LYZL2: variants seen among roughly 807,000 people sequenced by gnomAD.
LYZL2 encodes lysozyme-like protein 2.
A neutral mutation model predicts 17.1 loss-of-function variants in LYZL2; 13 were observed. That is an observed-to-expected ratio of 0.76 (90% CI 0.49 to 1.21). The LOEUF (loss-of-function observed/expected upper bound fraction) is 1.21, where lower values mean the gene tolerates loss of function less well. LYZL2 is among the 50% of genes most tolerant of loss of function. LYZL2 has a pLI of 0.00. For missense variants in LYZL2, 166 were observed against 189.2 expected, an observed-to-expected ratio of 0.88 and a Z score of 0.72; for synonymous variants, 63 against 74.4, an observed-to-expected ratio of 0.85 and a Z score of 0.79.
downstream of LYZL2, among the ~76,000 whole-genome samples, chr10:30,608,534 G>A (rs447864): frequency 0.63 from 96,449 of 152,038 alleles, 31,193 homozygotes; most frequent in Middle Eastern, 0.77. Context: ...CTTCCTGTTC[G>A]TAAAGGAACT....
intron 1 of LYZL2, 63 bp downstream of exon 1, chr10:30,629,530 C>T: frequency 6.4e-7 from 1 of 1,565,732 alleles, no homozygotes; most frequent in African/African-American, 1.4e-5. Flanking sequence ...CTACATCCTT[C>T]AAGAACCTGC....
intron 3 of LYZL2, among the ~76,000 whole-genome samples, chr10:30,620,010 G>A (rs2132944058): frequency 6.6e-6 from 1 of 152,088 alleles, no homozygotes; most frequent in Non-Finnish European, 1.5e-5. Context: ...ACATATTTTT[G>A]TGTTTGTATT....
intron 3 of LYZL2, among the ~76,000 whole-genome samples, chr10:30,625,297 G>A (rs950069537): frequency 5.3e-5 from 8 of 152,112 alleles, no homozygotes; most frequent in South Asian, 2.1e-4. Context: ...TTAATGACTC[G>A]GTATGTTGGA....
downstream of LYZL2, among the ~76,000 whole-genome samples, chr10:30,607,113 T>C (rs1838385529): frequency 6.6e-6 from 1 of 151,800 alleles, no homozygotes; most frequent in African/African-American, 2.4e-5. Flanking sequence ...GGTTTCACCA[T>C]ATTGGCCAGG....
At chr10:30,629,119 A>T (rs1415022531) in intron 1 of LYZL2, among the ~76,000 whole-genome samples, 1 of 152,226 alleles carries the variant, frequency 6.6e-6, no homozygotes, top group Non-Finnish European at 1.5e-5. Context: ...TAGGCTGGGC[A>T]TGGTGGCCCA....
chr10:30,613,668 T>C (rs1838483515), intron 3 of LYZL2, among the ~76,000 whole-genome samples: 1 of 152,066 alleles, frequency 6.6e-6, no homozygotes, highest in Admixed American at 6.6e-5. Flanking sequence ...GTGCAGAAAG[T>C]TTTACCTTTT....
At chr10:30,613,499 G>GAGA (rs768642740) in intron 3 of LYZL2, among the ~76,000 whole-genome samples, 1 of 125,724 alleles carries the variant, frequency 8.0e-6, no homozygotes, top group Non-Finnish European at 1.7e-5. Flanking sequence ...TCTGTCTTAA[G>GAGA]AAAAAAAAAA....
At chr10:30,627,944 G>C (rs1318434868) in intron 1 of LYZL2, among the ~76,000 whole-genome samples, 3 of 152,204 alleles carry the variant, frequency 2.0e-5, no homozygotes, top group Admixed American at 1.3e-4. Flanking sequence ...CGGATCACGA[G>C]GTCAGGAGAT....
chr10:30,629,393 CAAAAAA>C (rs201593551), intron 1 of LYZL2, among the ~76,000 whole-genome samples, 194 bp downstream of exon 1: 2 of 119,628 alleles, frequency 1.7e-5, no homozygotes, highest in Admixed American at 8.7e-5. Flanking sequence ...CATCCTGTTT[CAAAAAA>C]AAAAAAAAAG....
At position 30,620,418 on chromosome 10, in the gene LYZL2, C is replaced by G. The variant is rs541948583; in HGVS notation, c.298+5687G>C. 3.9e-5 allele frequency among the ~76,000 whole-genome samples: 6 copies of G among 152,330 alleles called. No individual in the cohort carries two copies. In the East Asian group the frequency reaches 1.2e-3, roughly 29 times the overall value. On this transcript the variant is annotated intron_variant, in intron 3 of 4. Transcript: ENST00000647634. ...CACGAGCAGCCTGCCTTGATATCTT[C>G]CTCTCTCAGGGTGTACTGTCTATTC...
downstream of LYZL2, among the ~76,000 whole-genome samples, chr10:30,609,812 G>C (rs1168754639): frequency 6.6e-6 from 1 of 152,182 alleles, no homozygotes; most frequent in African/African-American, 2.4e-5. Context: ...TTGAATTTCT[G>C]AAGGCATTAA....
intron 4 of LYZL2, among the ~76,000 whole-genome samples, chr10:30,612,405 C>G (rs896889317): frequency 6.6e-6 from 1 of 152,198 alleles, no homozygotes; most frequent in African/African-American, 2.4e-5. Flanking sequence ...TGACACAGAC[C>G]TGCTCACTTT....
At chr10:30,618,984 AAAAC>A (rs1838577526) in intron 3 of LYZL2, among the ~76,000 whole-genome samples, 5 of 152,356 alleles carry the variant, frequency 3.3e-5, no homozygotes, top group South Asian at 4.1e-4. Context: ...TTACAAGAAA[AAAAC>A]AAACAACCCC....
intron 3 of LYZL2, among the ~76,000 whole-genome samples, chr10:30,616,464 C>T (rs1200903703): frequency 6.6e-6 from 1 of 152,192 alleles, no homozygotes; most frequent in Admixed American, 6.5e-5. Flanking sequence ...GCGGGCAGAT[C>T]GCCAGGTCAG....
At chr10:30,629,529 T>C in intron 1 of LYZL2, 64 bp downstream of exon 1, 2 of 1,563,966 alleles carry the variant, frequency 1.3e-6, no homozygotes, top group Non-Finnish European at 1.8e-6. Flanking sequence ...TCTACATCCT[T>C]CAAGAACCTG....
At chr10:30,611,168 G>A (rs950129418), downstream of LYZL2, among the ~76,000 whole-genome samples, 1 of 152,134 alleles carries the variant, frequency 6.6e-6, no homozygotes, top group African/African-American at 2.4e-5. Context: ...TTCCCTCAGG[G>A]CTAGAGCATT....
chr10:30,615,596 T>C (rs1260982852), intron 3 of LYZL2, among the ~76,000 whole-genome samples: 1 of 152,190 alleles, frequency 6.6e-6, no homozygotes, highest in Non-Finnish European at 1.5e-5. Context: ...TGAGGTAATG[T>C]TAAACTCAAT....
At chr10:30,629,004 A>G (rs1838763336) in intron 1 of LYZL2, among the ~76,000 whole-genome samples, 1 of 152,230 alleles carries the variant, frequency 6.6e-6, no homozygotes, top group Non-Finnish European at 1.5e-5. Context: ...ACAAAGCCTA[A>G]CATATTATTA....
chr10:30,616,548 CT>C (rs1437560581), intron 3 of LYZL2, among the ~76,000 whole-genome samples: 2 of 152,198 alleles, frequency 1.3e-5, no homozygotes, highest in African/African-American at 2.4e-5. Flanking sequence ...ACAAAAAAGT[CT>C]TTTGCCTATC....
Sources: allele counts gnomAD v4.1 joint callset (sites outside exome capture counted in the v4.1 genomes callset), GRCh38; gene constraint gnomAD v4.1.1; transcripts MANE v1.5; gene names NCBI Gene and HGNC (gene_info 2026-07-23, HGNC 2026-07-21).